NHS: variants seen among roughly 807,000 people sequenced by gnomAD.
NHS encodes the protein NHS actin remodeling regulator.
NHS carries 5 observed loss-of-function variants against 72.5 expected under a neutral mutation model. That is an observed-to-expected ratio of 0.07 (90% CI 0.04 to 0.14). The LOEUF is 0.14. Ranked by LOEUF, NHS falls within the 10% of genes least tolerant of loss-of-function variation. The pLI is 1.00. For synonymous variants in NHS, 464 were observed against 547.7 expected (o/e 0.85, Z 2.13); for missense variants, 1,072 against 1,355.7 (o/e 0.79, Z 3.29).
chrX:17,728,813 A>C (rs2066468714), intron 8 of NHS, 38 bp downstream of exon 8: 1 of 1,207,907 alleles, frequency 8.3e-7, no homozygotes, highest in Non-Finnish European at 1.1e-6. Flanking sequence ...AACAAAAGGT[A>C]CAACAAAGGT....
intron 1 of NHS, among the ~76,000 whole-genome samples, chrX:17,458,627 G>A (rs1419460067): frequency 1.8e-5 from 2 of 110,199 alleles, no homozygotes; most frequent in Non-Finnish European, 3.8e-5. Flanking sequence ...CGAGTAGCTG[G>A]GATTACAGGT....
chrX:17,553,062 C>G (rs2065344665), intron 1 of NHS, among the ~76,000 whole-genome samples: 1 of 113,000 alleles, frequency 8.8e-6, no homozygotes, highest in South Asian at 3.6e-4. Flanking sequence ...TGGGAGACTC[C>G]CCAGTCCTGG....
intron 1 of NHS, among the ~76,000 whole-genome samples, chrX:17,408,677 T>A (rs1255686264): frequency 1.8e-5 from 2 of 111,534 alleles, no homozygotes; most frequent in Admixed American, 1.9e-4. Context: ...CCTGAGAGAA[T>A]TTTTTTTCCA....
At chrX:17,643,141 TCTC>T (rs2087467346) in intron 1 of NHS, among the ~76,000 whole-genome samples, 1 of 112,175 alleles carries the variant, frequency 8.9e-6, no homozygotes, top group South Asian at 3.7e-4. Context: ...CAGTTATTCT[TCTC>T]CTTCCATAGA....
chrX:17,505,640 T>TTC (rs2065054069), intron 1 of NHS, among the ~76,000 whole-genome samples: 1 of 110,395 alleles, frequency 9.1e-6, no homozygotes, highest in South Asian at 3.9e-4. Context: ...TTTTTTTTTT[T>TTC]TCCATATGAG....
In NHS at chrX:17,726,331, G is replaced by A. The variant is rs369653594; in HGVS notation, c.2225G>A (p.Arg742His). 74 of 1,210,474 alleles carry A rather than the reference G, an allele frequency of 6.1e-5. No individual in the cohort carries two copies. The highest frequency in any genetic ancestry group is 2.3e-4 in the Middle Eastern group (1 of 4,375). The change falls in exon 7 of 9, where the codon CGT becomes CAT. Residue 742 changes from arginine (R) to histidine (H), a missense_variant. Physicochemically the swap from Arg to His is conservative, Grantham distance 29. Transcript: ENST00000676302. ...TGCCGCCAGGATTTTAGTCCTGAGC[G>A]TCCCAAGGCAGACAGCCTGGGCTGC... ...ASCRQDFSPE[R>H]PKADSLGCPS...
At chrX:17,479,338 A>G (rs2064935263) in intron 1 of NHS, among the ~76,000 whole-genome samples, 2 of 112,165 alleles carry the variant, frequency 1.8e-5, no homozygotes, top group Non-Finnish European at 3.8e-5. Context: ...AGTCTTTGCT[A>G]TTGTGAATAG....
chrX:17,701,572 G>A (rs777621785), intron 3 of NHS, among the ~76,000 whole-genome samples: 9 of 111,399 alleles, frequency 8.1e-5, no homozygotes, highest in Non-Finnish European at 1.7e-4. Context: ...AAGTCCTGGG[G>A]GTGCCTAGGG....
At chrX:17,701,449 GAC>G (rs755852299) in intron 3 of NHS, among the ~76,000 whole-genome samples, 3 of 110,539 alleles carry the variant, frequency 2.7e-5, no homozygotes, top group Admixed American at 9.6e-5. Context: ...AACACACACA[GAC>G]ACACACACAC....
Position 17,728,311 on chromosome X carries a change from A to T in NHS, c.4205A>T (p.Asp1402Val). 1 of 1,210,670 alleles carries T rather than the reference A, an allele frequency of 8.3e-7. No individual in the cohort carries two copies. Among genetic ancestry groups the T allele is most frequent in the Non-Finnish European group, 1.1e-6 (1 of 894,374 alleles). Residue 1402 changes from aspartate (D) to valine (V), a missense_variant, in exon 7 of 9, where the codon GAT (aspartate) becomes GTT (valine). Physicochemically the swap from Asp to Val is radical, Grantham distance 152. Transcript: ENST00000676302. ...SKAEETQGNV[D>V]EASLKESSPS... ...GCAGAGGAGACCCAAGGAAATGTGG[A>T]TGAGGCTTCATTGAAAGGTCAGTCA...
intron 1 of NHS, among the ~76,000 whole-genome samples, chrX:17,518,110 T>C (rs2065129444): frequency 8.9e-6 from 1 of 111,990 alleles, no homozygotes; most frequent in Non-Finnish European, 1.9e-5. Flanking sequence ...ACTCCAGGAC[T>C]GGGGCTGATG....
At position 17,410,280 on chromosome X, in the gene NHS, T is replaced by A. The variant is rs567170371; in HGVS notation, c.565+33958T>A. On this transcript the variant is annotated intron_variant, in intron 1 of 8. Transcript: ENST00000676302. ...TTCTGAAAATGATACCACCCTCATGTTAGCAACAGTATCGCTGTCTGGAAA... is the reference window on the plus strand; with the variant it reads ...TTCTGAAAATGATACCACCCTCATGATAGCAACAGTATCGCTGTCTGGAAA... Among the ~76,000 whole-genome samples the A allele has an allele frequency of 3.4e-4, 38 of 111,171 alleles. 1 individual carries two copies. The South Asian group carries it at 0.015, about 43-fold the overall frequency.
chrX:17,473,880 T>C (rs2064902507), intron 1 of NHS, among the ~76,000 whole-genome samples: 1 of 112,075 alleles, frequency 8.9e-6, no homozygotes, highest in Non-Finnish European at 1.9e-5. Context: ...TCTTGCATTA[T>C]ATTTCACATG....
At chrX:17,544,049 T>C (rs896220441) in intron 1 of NHS, among the ~76,000 whole-genome samples, 5 of 112,659 alleles carry the variant, frequency 4.4e-5, no homozygotes, top group African/African-American at 1.3e-4. Flanking sequence ...CAATCAAGAT[T>C]GATTAAGTCT....
At chrX:17,562,668 A>G (rs2065421732) in intron 1 of NHS, among the ~76,000 whole-genome samples, 1 of 111,981 alleles carries the variant, frequency 8.9e-6, no homozygotes, top group South Asian at 3.7e-4. Flanking sequence ...AATAAAATAT[A>G]ATGGAAGTTT....
At position 17,615,241 on chromosome X, in the gene NHS, T is replaced by TATATACAC. The variant is rs1569294276; in HGVS notation, c.566-72496_566-72495insCACATATA. Among the ~76,000 whole-genome samples the TATATACAC allele has an allele frequency of 3.2e-3, 297 of 91,479 alleles. 4 individuals carry two copies. The highest frequency in any genetic ancestry group is 0.014 in the African/African-American group (274 of 19,245). 79.4% of individuals were successfully genotyped at this position (91,479 alleles called of 115,157 possible). A position where few individuals can be genotyped will look rare whatever the true frequency, so the allele number is the denominator to read the frequency against. On this transcript the variant is annotated intron_variant, in intron 1 of 8. Transcript: ENST00000676302. ...GTATATATACACATATATATACGTA[T>TATATACAC]ATATATACACATATATACACATATA...
intron 1 of NHS, among the ~76,000 whole-genome samples, chrX:17,410,639 G>T (rs1204356421): frequency 9.4e-6 from 1 of 106,096 alleles, no homozygotes; most frequent in East Asian, 3.0e-4. Flanking sequence ...CATTTCCATT[G>T]GTTTTGAAAT....
At chrX:17,384,702 A>G (rs1258834680) in intron 1 of NHS, among the ~76,000 whole-genome samples, 1 of 112,484 alleles carries the variant, frequency 8.9e-6, no homozygotes, top group East Asian at 2.8e-4. Context: ...AGGCAATGAC[A>G]TGTAAAAATC....
chrX:17,592,705 A>G (rs919854596), intron 1 of NHS, among the ~76,000 whole-genome samples: 8 of 112,087 alleles, frequency 7.1e-5, no homozygotes, highest in Non-Finnish European at 1.5e-4. Context: ...GTGCCAGGAA[A>G]TGATAATTTT....
Sources: allele counts gnomAD v4.1 joint callset (sites outside exome capture counted in the v4.1 genomes callset), GRCh38; gene constraint gnomAD v4.1.1; transcripts MANE v1.5; gene names NCBI Gene and HGNC (gene_info 2026-07-23, HGNC 2026-07-21).